CASP9: variants seen among roughly 807,000 people sequenced by gnomAD.
The protein encoded by CASP9 is caspase 9, also known as caspase-9.
In CASP9, 29 loss-of-function variants were observed where a neutral mutation model predicts 43.5. The ratio of observed to expected loss-of-function variants is 0.67; its 90% CI spans 0.50 to 0.91. The LOEUF (loss-of-function observed/expected upper bound fraction) is 0.91, where lower values mean the gene tolerates loss of function less well. Among genes scored for constraint, CASP9 ranks in the 40% least tolerant of loss-of-function variants. The pLI is 0.00. For synonymous variants in CASP9, 206 were observed against 211.9 expected (o/e 0.97, Z 0.24); for missense variants, 575 against 537.4 (o/e 1.07, Z -0.69).
chr1:15,510,039 T>C (rs1305928569), intron 2 of CASP9, among the ~76,000 whole-genome samples: 1 of 152,108 alleles, frequency 6.6e-6, no homozygotes, highest in African/African-American at 2.4e-5. Flanking sequence ...CAAGCGATTC[T>C]CCTGCCTCAG....
intron 2 of CASP9, among the ~76,000 whole-genome samples, chr1:15,512,122 C>T (rs1350418347): frequency 2.6e-5 from 4 of 152,162 alleles, no homozygotes; most frequent in Admixed American, 6.5e-5. Flanking sequence ...CAGCCACCAG[C>T]CCCAGAGCAA....
upstream of CASP9, chr1:15,524,681 C>T (rs1382667310): frequency 9.2e-5 from 97 of 1,050,506 alleles, no homozygotes; most frequent in Non-Finnish European, 1.1e-4. Context: ...GTCACCGCCT[C>T]GCCTTCAGGA....
chr1:15,524,662 C>G (rs1301098526), upstream of CASP9: 3 of 1,048,466 alleles, frequency 2.9e-6, no homozygotes, highest in Admixed American at 1.9e-4. Flanking sequence ...CCCAAGGATT[C>G]GCTCTTGCGT....
At chr1:15,515,851 T>A (rs1273409670) in intron 2 of CASP9, among the ~76,000 whole-genome samples, 72 of 151,258 alleles carry the variant, frequency 4.8e-4, no homozygotes, top group Non-Finnish European at 9.0e-4. Context: ...AGCACAGGAG[T>A]TTGAGGGCAG....
chr1:15,505,473 C>G (rs1709482094), intron 5 of CASP9, among the ~76,000 whole-genome samples: 1 of 152,162 alleles, frequency 6.6e-6, no homozygotes, highest in South Asian at 2.1e-4. Context: ...GTGCAGACCA[C>G]AGGGGGACTC....
In CASP9 at chr1:15,495,135, T is replaced by C. The variant is rs913304239; in HGVS notation, c.1048+138A>G. 2.5e-5 allele frequency: 20 copies of C among 784,662 alleles called. No homozygotes were observed. In the Admixed American group the frequency reaches 3.2e-4, roughly 13 times the overall value. 48.6% of individuals were successfully genotyped at this position (784,662 alleles called of 1,614,324 possible). A position where few individuals can be genotyped will look rare whatever the true frequency, so the allele number is the denominator to read the frequency against. Reference sequence around the variant, plus strand: ...GCCTGAGCCGAGGCTCAGAGAGAAGTAACTTGCTCAGGGTCACAGAGGGGC... The same window carrying C: ...GCCTGAGCCGAGGCTCAGAGAGAAGCAACTTGCTCAGGGTCACAGAGGGGC... On this transcript the variant is annotated intron_variant, in intron 7 of 8. Transcript: ENST00000333868.
intron 6 of CASP9, among the ~76,000 whole-genome samples, chr1:15,497,953 G>A (rs961882207): frequency 1.3e-5 from 2 of 152,200 alleles, no homozygotes; most frequent in Non-Finnish European, 2.9e-5. Flanking sequence ...ACAGACATAG[G>A]TCAATGTCAT....
At chr1:15,501,667 T>C (rs1446156265) in intron 6 of CASP9, among the ~76,000 whole-genome samples, 1 of 152,280 alleles carries the variant, frequency 6.6e-6, no homozygotes, top group Non-Finnish European at 1.5e-5. Flanking sequence ...AAGGGATATC[T>C]TAATCACTGC....
chr1:15,522,001 T>C (rs1333068074), intron 1 of CASP9, among the ~76,000 whole-genome samples: 2 of 152,226 alleles, frequency 1.3e-5, no homozygotes, highest in African/African-American at 4.8e-5. Flanking sequence ...AGCAGAACAG[T>C]TGGCTACATG....
Position 15,492,698 on chromosome 1 carries a change from C to A in CASP9, c.*245G>T. ...TGGGACACAAGTCACTAGCCCTGGA[C>A]CAGCCACTGCTCAAGAGGCCACGTG... On this transcript the variant is annotated 3_prime_UTR_variant, in exon 9 of 9. Transcript: ENST00000333868. The A allele has an allele frequency of 5.4e-6, 3 of 558,630 alleles. No homozygotes were observed. The highest frequency in any genetic ancestry group is 9.6e-6 in the Non-Finnish European group (3 of 314,124). The allele number at this position is 558,630 out of a possible 1,614,324, so 34.6% of individuals were successfully genotyped here. A position where few individuals can be genotyped will look rare whatever the true frequency, so the allele number is the denominator to read the frequency against.
chr1:15,514,403 C>A lies in CASP9; in HGVS notation c.418+3707G>T, dbSNP rs145684554. 9.7e-4 allele frequency among the ~76,000 whole-genome samples: 148 copies of A among 152,306 alleles called. 1 individual carries two copies. The highest frequency in any genetic ancestry group is 3.4e-3 in the African/African-American group (142 of 41,580). On this transcript the variant is annotated intron_variant, in intron 2 of 8. Coordinates refer to ENST00000333868, the MANE Select transcript of CASP9 (RefSeq NM_001229.5). ...AATACACAGCTCTTCCTTTGTGGGTCACCATGAAACCTACCTTGGGAAACA... is the reference window on the plus strand; with the variant it reads ...AATACACAGCTCTTCCTTTGTGGGTAACCATGAAACCTACCTTGGGAAACA...
chr1:15,509,353 G>A (rs560706742), intron 2 of CASP9, among the ~76,000 whole-genome samples: 7 of 151,862 alleles, frequency 4.6e-5, no homozygotes, highest in Non-Finnish European at 7.4e-5. Context: ...GGCCAGGTGC[G>A]GTGGCTCACG....
At chr1:15,508,244 T>C (rs1709600184) in intron 2 of CASP9, among the ~76,000 whole-genome samples, 1 of 151,970 alleles carries the variant, frequency 6.6e-6, no homozygotes, top group East Asian at 1.9e-4. Context: ...GATATACAAA[T>C]TGTGATACAG....
At chr1:15,512,365 T>C (rs1344089210) in intron 2 of CASP9, among the ~76,000 whole-genome samples, 2 of 152,214 alleles carry the variant, frequency 1.3e-5, no homozygotes, top group Non-Finnish European at 2.9e-5. Context: ...GTAAAGCAGA[T>C]GGCCCTCCCC....
intron 1 of CASP9, among the ~76,000 whole-genome samples, chr1:15,522,132 G>C (rs1710227499): frequency 6.6e-6 from 1 of 152,150 alleles, no homozygotes; most frequent in African/African-American, 2.4e-5. Flanking sequence ...AGTTAAATTA[G>C]AACTTCCCAA....
rs894271032 is a variant in CASP9, at chr1:15,492,648, T to C, written c.*295A>G. The C allele has an allele frequency of 4.6e-6, 2 of 437,772 alleles. No individual in the cohort carries two copies. Among genetic ancestry groups the C allele is most frequent in the Non-Finnish European group, 4.1e-6 (1 of 241,804 alleles). 27.1% of individuals were successfully genotyped at this position (437,772 alleles called of 1,614,324 possible). A position where few individuals can be genotyped will look rare whatever the true frequency, so the allele number is the denominator to read the frequency against. On this transcript the variant is annotated 3_prime_UTR_variant, in exon 9 of 9. Transcript: ENST00000333868. ...TGTCAGTAGTGCAGAGGTTAATCCC[T>C]GCTCTAGAGACAACACAGGGATCAT...
intron 6 of CASP9, among the ~76,000 whole-genome samples, chr1:15,504,221 C>T (rs1334065126): frequency 6.6e-6 from 1 of 152,202 alleles, no homozygotes; most frequent in Non-Finnish European, 1.5e-5. Flanking sequence ...TTTCTCCATG[C>T]AGTTTAGCTG....
At position 15,518,412 on chromosome 1, in the gene CASP9, G is replaced by A. The variant is rs775688341; in HGVS notation, c.133-17C>T. The stretch of plus-strand genomic sequence containing the variant: ...GCCTGCCCGCTGTTTGGAAAGAAAG[G>A]CAGGATACTAATTATCCACGTACTT... On this transcript the variant is annotated splice_polypyrimidine_tract_variant and intron_variant, in intron 1 of 8. Coordinates refer to ENST00000333868, the MANE Select transcript of CASP9 (RefSeq NM_001229.5). 2.5e-6 allele frequency: 4 copies of A among 1,604,906 alleles called. No individual in the cohort carries two copies. The highest frequency in any genetic ancestry group is 2.2e-5 in the South Asian group (2 of 90,926).
upstream of CASP9, chr1:15,524,760 C>T (rs866673315): frequency 3.3e-4 from 329 of 1,005,924 alleles, 3 homozygotes; most frequent in South Asian, 2.7e-3. Context: ...AACCTGCCAC[C>T]GCGTCACCGC....
Sources: allele counts gnomAD v4.1 joint callset (sites outside exome capture counted in the v4.1 genomes callset), GRCh38; gene constraint gnomAD v4.1.1; transcripts MANE v1.5; gene names NCBI Gene and HGNC (gene_info 2026-07-23, HGNC 2026-07-21).